The following LOC122394732 variants were observed in gnomAD, a reference collection of about 807,000 sequenced individuals.
chr9:87,956,311 C>T, the LOC122394732 span: 6 of 398,478 alleles, frequency 1.5e-5, no homozygotes, highest in Non-Finnish European at 2.2e-5. Flanking sequence ...CAGGAGATTC[C>T]CTGTACCTGC....
At chr9:87,956,546 A>G in the LOC122394732 span, 1 of 398,418 alleles carries the variant, frequency 2.5e-6, no homozygotes, top group Non-Finnish European at 4.4e-6. Flanking sequence ...GAAACATCCA[A>G]TACAGACAGA....
chr9:87,956,513 C>T, the LOC122394732 span: 1 of 398,524 alleles, frequency 2.5e-6, no homozygotes, highest in Non-Finnish European at 4.4e-6. Context: ...GATGCTGTGC[C>T]ACCATAGGGG....
chr9:87,956,704 A>G, the LOC122394732 span: 2 of 375,962 alleles, frequency 5.3e-6, no homozygotes, highest in Non-Finnish European at 9.4e-6. Flanking sequence ...ACCTCCTACA[A>G]AAGAGAGAAT....
chr9:87,956,357 A>C, the LOC122394732 span: 1 of 398,646 alleles, frequency 2.5e-6, no homozygotes, highest in Admixed American at 4.4e-5. Flanking sequence ...AGAGGAAAGG[A>C]GAACCAGGAT....
the LOC122394732 span, chr9:87,956,800 T>G: frequency 1.3e-5 from 3 of 232,764 alleles, no homozygotes; most frequent in African/African-American, 6.7e-5. Flanking sequence ...TTCTTACAGA[T>G]TCTCCTGGAG....
the LOC122394732 span, chr9:87,956,752 T>C: frequency 3.2e-6 from 1 of 313,536 alleles, no homozygotes; most frequent in East Asian, 4.9e-5. Context: ...TCTATTTCTT[T>C]ACAACTTGAG....
chr9:87,956,254 G>T, the LOC122394732 span: 2 of 398,572 alleles, frequency 5.0e-6, no homozygotes, highest in South Asian at 2.6e-4. Context: ...ACCAAAGTGT[G>T]AACACAGGTG....
the LOC122394732 span, chr9:87,956,340 A>G: frequency 2.5e-6 from 1 of 398,634 alleles, no homozygotes; most frequent in Non-Finnish European, 4.4e-6. Flanking sequence ...TTCGTGAACA[A>G]CCTTGGAGAG....
the LOC122394732 span, chr9:87,956,363 A>C: frequency 2.5e-6 from 1 of 398,646 alleles, no homozygotes; most frequent in East Asian, 3.6e-5. Flanking sequence ...AAGGAGAACC[A>C]GGATTCAGAT....
the LOC122394732 span, chr9:87,956,606 G>T: frequency 1.0e-5 from 4 of 397,498 alleles, no homozygotes; most frequent in Admixed American, 8.8e-5. Context: ...GAAAGCAGTA[G>T]AAGTGGCTAC....
At chr9:87,956,673 G>A in the LOC122394732 span, 6,180 of 392,324 alleles carry the variant, frequency 0.016, 88 homozygotes, top group South Asian at 0.038. Flanking sequence ...CAAATGGACT[G>A]CCTCTAAAAT....
At chr9:87,956,448 T>C in the LOC122394732 span, 1 of 398,582 alleles carries the variant, frequency 2.5e-6, no homozygotes, top group Admixed American at 4.4e-5. Context: ...AAGAGATTTT[T>C]GGTAAAGCTT....
the LOC122394732 span, chr9:87,956,758 T>C: frequency 3.3e-6 from 1 of 303,936 alleles, no homozygotes; most frequent in African/African-American, 2.1e-5. Context: ...TCTTTACAAC[T>C]TGAGGTGGTA....
chr9:87,956,434 C>G, the LOC122394732 span: 2 of 398,380 alleles, frequency 5.0e-6, no homozygotes, highest in South Asian at 2.5e-4. Flanking sequence ...AAAAAGCAGC[C>G]CTGAAGAGAT....
the LOC122394732 span, chr9:87,956,310 C>G: frequency 7.5e-6 from 3 of 398,482 alleles, no homozygotes; most frequent in Non-Finnish European, 1.3e-5. Flanking sequence ...GCAGGAGATT[C>G]CCTGTACCTG....
the LOC122394732 span, chr9:87,956,388 A>C: frequency 5.0e-6 from 2 of 398,650 alleles, no homozygotes; most frequent in South Asian, 2.5e-4. Flanking sequence ...AGCATCCAGA[A>C]GGCTTTAGAC....
the LOC122394732 span, chr9:87,956,336 A>C: frequency 7.5e-6 from 3 of 398,530 alleles, no homozygotes; most frequent in African/African-American, 6.2e-5. Context: ...GGCCTTCGTG[A>C]ACAACCTTGG....
the LOC122394732 span, chr9:87,956,771 A>G: frequency 3.6e-6 from 1 of 281,392 alleles, no homozygotes; most frequent in African/African-American, 2.2e-5. Context: ...AGGTGGTAAT[A>G]TGCAGTGCAC....
At chr9:87,956,381 A>G in the LOC122394732 span, 1 of 398,532 alleles carries the variant, frequency 2.5e-6, no homozygotes, top group Admixed American at 4.4e-5. Context: ...GATCCAAAGC[A>G]TCCAGAAGGC....
Sources: allele counts gnomAD v4.1 joint callset, GRCh38; gene constraint gnomAD v4.1.1; transcripts MANE v1.5.